The following DOCK8 variants were observed in gnomAD, a reference collection of about 807,000 sequenced individuals.
DOCK8 encodes dedicator of cytokinesis 8.
DOCK8 carries 141 observed loss-of-function variants against 245.6 expected under a neutral mutation model. That is an observed-to-expected ratio of 0.57 (90% confidence interval 0.50 to 0.66). The LOEUF is 0.66. Ranked by LOEUF, DOCK8 falls within the 30% of genes least tolerant of loss-of-function variation. The pLI, the probability that DOCK8 is intolerant of heterozygous loss-of-function variation, is 0.00. For synonymous variants in DOCK8, 1,168 were observed against 970.2 expected (o/e 1.20, Z -3.79); for missense variants, 2,965 against 2,603.4 (o/e 1.14, Z -3.02).
chr9:277,469 G>GAGAAGAGAA (rs1554651547), intron 2 of DOCK8, among the ~76,000 whole-genome samples: 2 of 138,532 alleles, frequency 1.4e-5, no homozygotes, highest in Admixed American at 1.4e-4. Context: ...GAGAAGAGAA[G>GAGAAGAGAA]AGAAGAGAAG....
rs190170310 is a variant in DOCK8 at position 354,222 on chromosome 9, C to T, written c.1680-13796C>T. 2.6e-5 allele frequency among the ~76,000 whole-genome samples: 4 copies of T among 152,200 alleles called. No homozygotes were observed. The East Asian group carries it at 7.7e-4, about 29-fold the overall frequency. On this transcript the variant is annotated intron_variant, in intron 14 of 47. Coordinates refer to ENST00000432829, the MANE Select transcript of DOCK8 (RefSeq NM_203447.4). ...TGACGGGCGCCTGTAGTCCCAGCTA[C>T]TCGGGAGGCTGAGGCAGGAGAATCA...
rs1165346763 is a variant in DOCK8, at chr9:328,941, C to CTTT, written c.1044+794_1044+796dup. On this transcript the variant is annotated intron_variant, in intron 9 of 47. Coordinates refer to ENST00000432829, the MANE Select transcript of DOCK8 (RefSeq NM_203447.4). ...GGCCAGATAATTGGTCTTATTGATTCTTTTTTTTTTTTTTTTTTTTTTTTT... is the reference window on the plus strand; with the variant it reads ...GGCCAGATAATTGGTCTTATTGATTCTTTTTTTTTTTTTTTTTTTTTTTTTTTT... Among the ~76,000 whole-genome samples, 33 of 71,400 alleles carry CTTT rather than the reference C, an allele frequency of 4.6e-4. 2 individuals carry two copies. The highest frequency in any genetic ancestry group is 6.3e-4 in the Non-Finnish European group (23 of 36,764). The allele number at this position is 71,400 out of a possible 152,430, so 46.8% of individuals were successfully genotyped here. A position where few individuals can be genotyped will look rare whatever the true frequency, so the allele number is the denominator to read the frequency against.
intron 6 of DOCK8, among the ~76,000 whole-genome samples, chr9:313,875 A>G (rs1394689193): frequency 3.3e-5 from 5 of 152,236 alleles, no homozygotes; most frequent in Admixed American, 2.6e-4. Flanking sequence ...TCTTTATACG[A>G]TGTATACATA....
chr9:301,748 T>G (rs2049554596), intron 4 of DOCK8, among the ~76,000 whole-genome samples: 1 of 152,306 alleles, frequency 6.6e-6, no homozygotes, highest in East Asian at 1.9e-4. Context: ...TTCCATTTAT[T>G]TTATCCTTTT....
Position 264,158 on chromosome 9 carries a change from A to C in DOCK8, c.54-7469A>C, listed in dbSNP as rs1051220344. Among the ~76,000 whole-genome samples the C allele has an allele frequency of 2.6e-5, 4 of 152,336 alleles. No homozygotes were observed. In the South Asian group the frequency reaches 8.3e-4, roughly 32 times the overall value. ...ACTAAATGGTTACAGGTGTTCTTTT[A>C]GGTGATTATGCTGCTTCATCAGCAG... On this transcript the variant is annotated intron_variant, in intron 1 of 47. Coordinates refer to ENST00000432829, the MANE Select transcript of DOCK8 (RefSeq NM_203447.4).
intron 6 of DOCK8, chr9:312,732 T>C (rs1586674112): frequency 2.4e-5 from 8 of 332,620 alleles, no homozygotes; most frequent in South Asian, 2.0e-4. Context: ...TAGGATAATG[T>C]AGACTTTGCC....
intron 28 of DOCK8, among the ~76,000 whole-genome samples, chr9:413,898 T>A (rs973799934): frequency 1.3e-5 from 2 of 152,128 alleles, no homozygotes; most frequent in African/African-American, 4.8e-5. Context: ...TCTCAGCACT[T>A]TGGGAGGCTG....
upstream of DOCK8, chr9:214,812 C>T (rs757458312): frequency 6.3e-7 from 1 of 1,594,194 alleles, no homozygotes; most frequent in Non-Finnish European, 8.5e-7. Context: ...GGACCCTCCC[C>T]CGGGGTGATT....
chr9:226,768 A>T (rs1302733357), intron 1 of DOCK8, among the ~76,000 whole-genome samples: 1 of 152,210 alleles, frequency 6.6e-6, no homozygotes, highest in Non-Finnish European at 1.5e-5. Context: ...CATGTTAGAC[A>T]TTCAAGTAGA....
At chr9:269,748 G>A (rs916523209) in intron 1 of DOCK8, among the ~76,000 whole-genome samples, 1 of 151,778 alleles carries the variant, frequency 6.6e-6, no homozygotes, top group Admixed American at 6.6e-5. Flanking sequence ...AGTAGAGATG[G>A]GGTTTCACCA....
intron 4 of DOCK8, among the ~76,000 whole-genome samples, chr9:301,298 A>C (rs992809298): frequency 1.3e-5 from 2 of 152,240 alleles, no homozygotes; most frequent in African/African-American, 2.4e-5. Context: ...ACATCCCTTC[A>C]TGTTAAAAAC....
intron 23 of DOCK8, among the ~76,000 whole-genome samples, chr9:390,109 A>G (rs1360032938): frequency 1.3e-5 from 2 of 152,206 alleles, no homozygotes; most frequent in Admixed American, 6.5e-5. Flanking sequence ...TGGCTTGCAC[A>G]TGGTCACACA....
chr9:221,974 C>A (rs1039441877), intron 1 of DOCK8, among the ~76,000 whole-genome samples: 12 of 151,970 alleles, frequency 7.9e-5, no homozygotes, highest in African/African-American at 2.7e-4. Context: ...AGGTTCCAGG[C>A]TGGGCACAGT....
At chr9:365,949 C>G (rs1281891843) in intron 14 of DOCK8, 5 of 255,820 alleles carry the variant, frequency 2.0e-5, no homozygotes, top group Non-Finnish European at 3.9e-5. Context: ...TCTTACCGAC[C>G]TGCATCAGGG....
intron 23 of DOCK8, among the ~76,000 whole-genome samples, chr9:389,539 C>T (rs2054093919): frequency 6.6e-6 from 1 of 152,186 alleles, no homozygotes; most frequent in African/African-American, 2.4e-5. Flanking sequence ...TGTCCAGTCT[C>T]CTAGAGAGTT....
rs12552785 is a variant in DOCK8, at chr9:329,046, T to A, written c.1044+875T>A. ...CTCACTGCAACCTCCACCTCCCGGG[T>A]TCAAACGATTCTCCTGCCTCAGCCT... On this transcript the variant is annotated intron_variant, in intron 9 of 47. Coordinates refer to ENST00000432829, the MANE Select transcript of DOCK8 (RefSeq NM_203447.4). Among the ~76,000 whole-genome samples, 12 of 144,828 alleles carry A rather than the reference T, an allele frequency of 8.3e-5. No individual in the cohort carries two copies. In the East Asian group the frequency reaches 2.1e-3, roughly 25 times the overall value.
intron 33 of DOCK8, among the ~76,000 whole-genome samples, chr9:426,174 A>G (rs1290018168): frequency 6.6e-6 from 1 of 152,174 alleles, no homozygotes; most frequent in Non-Finnish European, 1.5e-5. Flanking sequence ...GCTAGCAAAA[A>G]AAACCATTCT....
intron 11 of DOCK8, among the ~76,000 whole-genome samples, chr9:334,872 A>G (rs1027395925): frequency 6.6e-6 from 1 of 152,142 alleles, no homozygotes; most frequent in South Asian, 2.1e-4. Context: ...GCTTGAAGCC[A>G]GGAGTTCGAG....
chr9:390,345 A>T, intron 23 of DOCK8, 126 bp from the exon 24 acceptor site: 1 of 869,046 alleles, frequency 1.2e-6, no homozygotes, highest in Non-Finnish European at 1.9e-6. Context: ...TGCCTAGAAC[A>T]TCTAAGACAC....
Sources: gnomAD v4.1 joint callset for allele counts (sites outside exome capture counted in the v4.1 genomes callset) on GRCh38, gnomAD v4.1.1 for gene constraint, MANE v1.5 for transcripts, NCBI Gene and HGNC (gene_info 2026-07-23, HGNC 2026-07-21) for gene names.